Variants in ZFR2 observed in about 807,000 individuals in gnomAD.
ZFR2 encodes the protein zinc finger RNA-binding protein 2.
Under a neutral mutation model 105.7 loss-of-function variants are expected in ZFR2, and 104 were observed. The ratio of observed to expected loss-of-function variants is 0.98; its 90% CI spans 0.84 to 1.16. The LOEUF (loss-of-function observed/expected upper bound fraction) is 1.16, where lower values mean the gene tolerates loss of function less well. Ranked by LOEUF, ZFR2 falls within the 50% of genes most tolerant of loss-of-function variation. ZFR2 has a pLI of 0.00. For synonymous variants in ZFR2, 634 were observed against 597.7 expected, an observed-to-expected ratio of 1.06 and a Z score of -0.89; for missense variants, 1,425 against 1,355.5, an observed-to-expected ratio of 1.05 and a Z score of -0.80.
At chr19:3,844,706 A>T (rs1568429174) in intron 1 of ZFR2, among the ~76,000 whole-genome samples, 1 of 152,202 alleles carries the variant, frequency 6.6e-6, no homozygotes, top group African/African-American at 2.4e-5. Context: ...TAATGAAGAC[A>T]TATTTAATTT....
At chr19:3,861,634 A>C (rs1197207754) in intron 1 of ZFR2, among the ~76,000 whole-genome samples, 1 of 148,306 alleles carries the variant, frequency 6.7e-6, no homozygotes, top group Non-Finnish European at 1.5e-5. Context: ...TCAAAAAATA[A>C]TTGAAATAGG....
intron 1 of ZFR2, among the ~76,000 whole-genome samples, chr19:3,842,160 G>A (rs1470846888): frequency 6.6e-6 from 1 of 151,858 alleles, no homozygotes; most frequent in Non-Finnish European, 1.5e-5. Flanking sequence ...CTACAGGCGT[G>A]CACCACCATG....
chr19:3,848,919 C>T (rs10415106), intron 1 of ZFR2, among the ~76,000 whole-genome samples: 4 of 151,686 alleles, frequency 2.6e-5, no homozygotes, highest in Non-Finnish European at 5.9e-5. Context: ...GCATGAACCC[C>T]GGAGGCGGAG....
At position 3,833,693 on chromosome 19, in the gene ZFR2, C is replaced by T. The variant is rs113017452; in HGVS notation, c.350G>A (p.Arg117His). Residue 117 changes from arginine to histidine, a missense_variant, in exon 3 of 19, where the codon CGC (arginine) becomes CAC (histidine). Transcript: ENST00000262961. ...CTGGCCGGAGTCTGCGGCTGTCATGCGCCCAGACTGGAGGGCAGCAGACTG... is the reference window on the plus strand; with the variant it reads ...CTGGCCGGAGTCTGCGGCTGTCATGTGCCCAGACTGGAGGGCAGCAGACTG... ...YFQSAALQSG[R>H]MTAADSGQPG... is the part of the protein sequence containing the mutation. 87 of 1,571,372 alleles carry T rather than the reference C, an allele frequency of 5.5e-5. 2 individuals carry two copies. In the African/African-American group the frequency reaches 7.3e-4, roughly 13 times the overall value.
At chr19:3,836,354 T>C (rs1339704646) in intron 1 of ZFR2, among the ~76,000 whole-genome samples, 1 of 152,180 alleles carries the variant, frequency 6.6e-6, no homozygotes, top group Non-Finnish European at 1.5e-5. Context: ...AGAAAGGGTC[T>C]CGCTCTGTCA....
At chr19:3,854,464 G>A (rs539164899) in intron 1 of ZFR2, among the ~76,000 whole-genome samples, 10 of 152,278 alleles carry the variant, frequency 6.6e-5, no homozygotes, top group Non-Finnish European at 1.5e-4. Context: ...CATCTGCAGA[G>A]TCTGATTCAG....
chr19:3,812,877 G>C (rs2037781559), intron 14 of ZFR2, among the ~76,000 whole-genome samples: 1 of 152,100 alleles, frequency 6.6e-6, no homozygotes, highest in Admixed American at 6.5e-5. Flanking sequence ...TCAGGAGTTC[G>C]AGACCAACCT....
In ZFR2 at chr19:3,834,149, G is replaced by A. The variant is rs2038051002; in HGVS notation, c.265-371C>T. On this transcript the variant is annotated intron_variant, in intron 2 of 18. Coordinates refer to ENST00000262961, the MANE Select transcript of ZFR2 (RefSeq NM_015174.2). The surrounding 1 kb of genome is among the most constrained non-coding windows in gnomAD (Gnocchi z 5.3). ...GGGGTCAGGTGGGTGCTGAGCTTGA[G>A]TGACAGGGTGGCCTCTGATGCCGTT... Among the ~76,000 whole-genome samples, 1 of 152,194 alleles carries A rather than the reference G, an allele frequency of 6.6e-6. No individual in the cohort carries two copies. Among genetic ancestry groups the A allele is most frequent in the South Asian group, 2.1e-4 (1 of 4,834 alleles).
Position 3,805,787 on chromosome 19 carries a change from G to A in ZFR2, c.*162C>T. 3.6e-6 allele frequency: 3 copies of A among 844,486 alleles called. No homozygotes were observed. The highest frequency in any genetic ancestry group is 5.1e-6 in the Non-Finnish European group (3 of 590,870). The allele number at this position is 844,486 out of a possible 1,614,324, so 52.3% of individuals were successfully genotyped here. A position where few individuals can be genotyped will look rare whatever the true frequency, so the allele number is the denominator to read the frequency against. ...GCTGGGATTAAAGGCATGAGCCACA[G>A]TGCCCGGTCTGAAGCACAGGTGTTT... On this transcript the variant is annotated 3_prime_UTR_variant, in exon 19 of 19. Transcript: ENST00000262961.
intron 9 of ZFR2, 37 bp downstream of exon 9, chr19:3,822,044 C>A (rs1196640708): frequency 6.4e-7 from 1 of 1,561,846 alleles, no homozygotes; most frequent in Non-Finnish European, 8.7e-7. Context: ...CCTAGCACAG[C>A]CCGGACGGGT....
In ZFR2 at chr19:3,869,028, TC is replaced by T; in HGVS notation, c.-12del. 1 of 1,349,242 alleles carries T rather than the reference TC, an allele frequency of 7.4e-7. No homozygotes were observed. Among genetic ancestry groups the T allele is most frequent in the Non-Finnish European group, 9.6e-7 (1 of 1,040,856 alleles). 83.6% of individuals were successfully genotyped at this position (1,349,242 alleles called of 1,614,324 possible). On this transcript the variant is annotated 5_prime_UTR_variant, in exon 1 of 19. Coordinates refer to ENST00000262961, the MANE Select transcript of ZFR2 (RefSeq NM_015174.2). Reference sequence around the variant, plus strand: ...CTGACTCGTCGCCATCTTGGCGTCTTCCCCGAGCCTGGCGGACCCGCGACGT... The same window carrying T: ...CTGACTCGTCGCCATCTTGGCGTCTTCCCGAGCCTGGCGGACCCGCGACGT...
chr19:3,805,691 G>A lies in ZFR2; in HGVS notation c.*258C>T, dbSNP rs1379404598. On this transcript the variant is annotated 3_prime_UTR_variant, in exon 19 of 19. Transcript: ENST00000262961. ...CTGATTTTTAAAAATATTTTGGAGA[G>A]ATGGGGGTCTCACTCTGTTGTCTGG... 9.6e-6 allele frequency: 4 copies of A among 415,276 alleles called. No individual in the cohort carries two copies. The highest frequency in any genetic ancestry group is 1.7e-5 in the Non-Finnish European group (4 of 236,150). The allele number at this position is 415,276 out of a possible 1,614,324, so 25.7% of individuals were successfully genotyped here.
intron 14 of ZFR2, among the ~76,000 whole-genome samples, chr19:3,812,623 C>G (rs2037777847): frequency 6.6e-6 from 1 of 152,118 alleles, no homozygotes; most frequent in South Asian, 2.1e-4. Flanking sequence ...ACTCCCCAGC[C>G]TCCTCCGCAT....
intron 7 of ZFR2, among the ~76,000 whole-genome samples, chr19:3,824,274 C>T (rs2012834): frequency 0.15 from 22,974 of 151,884 alleles, 2,100 homozygotes; most frequent in East Asian, 0.29. Context: ...CACTCCAGCC[C>T]GGGTGACACA....
At chr19:3,809,018 G>A (rs1447531100) in intron 16 of ZFR2, 35 bp from the exon 17 acceptor site, 3 of 1,493,190 alleles carry the variant, frequency 2.0e-6, no homozygotes, top group Non-Finnish European at 2.7e-6. Context: ...CTGTGTTTTG[G>A]GCGCGCGGCA....
Position 3,834,670 on chromosome 19 carries a change from A to T in ZFR2, c.264+103T>A. Reference sequence around the variant, plus strand: ...GGGTCCCGAAGGAAGGATCACGGTTAAGAGGCCTGGGAGAAGGAGTAGCTG... The same window carrying T: ...GGGTCCCGAAGGAAGGATCACGGTTTAGAGGCCTGGGAGAAGGAGTAGCTG... On this transcript the variant is annotated intron_variant, in intron 2 of 18. Coordinates refer to ENST00000262961, the MANE Select transcript of ZFR2 (RefSeq NM_015174.2). The surrounding 1 kb of genome is among the most constrained non-coding windows in gnomAD (Gnocchi z 5.3). The T allele has an allele frequency of 8.1e-7, 1 of 1,240,406 alleles. No homozygotes were observed. Among genetic ancestry groups the T allele is most frequent in the Non-Finnish European group, 1.1e-6 (1 of 874,760 alleles). The allele number at this position is 1,240,406 out of a possible 1,614,324, so 76.8% of individuals were successfully genotyped here.
chr19:3,863,038 G>A (rs1043141663), intron 1 of ZFR2, among the ~76,000 whole-genome samples: 5 of 152,316 alleles, frequency 3.3e-5, no homozygotes, highest in Admixed American at 1.3e-4. Context: ...CCAAGGTGGC[G>A]ACATCGGACT....
intron 3 of ZFR2, among the ~76,000 whole-genome samples, chr19:3,832,633 T>TA (rs200875785): frequency 3.4e-5 from 5 of 148,090 alleles, no homozygotes; most frequent in Admixed American, 6.7e-5. Flanking sequence ...ATTTTGTTTT[T>TA]TTTTTTTATT....
chr19:3,831,442 G>C lies in ZFR2; in HGVS notation c.713C>G (p.Ala238Gly), dbSNP rs746609007. ...GPPQQLPPPP[A>G]PAGSGSSPRA... ...GGGGCTGCTTCCTGAGCCTGCAGGC[G>C]CGGGCGGCGGGGGCAGCTGCTGCGG... Residue 238 changes from alanine to glycine, a missense_variant, in exon 5 of 19, where the codon GCG becomes GGG. Coordinates refer to ENST00000262961, the MANE Select transcript of ZFR2 (RefSeq NM_015174.2). 1 of 1,551,084 alleles carries C rather than the reference G, an allele frequency of 6.4e-7. No homozygotes were observed.
Sources: allele counts gnomAD v4.1 joint callset (sites outside exome capture counted in the v4.1 genomes callset), GRCh38; gene constraint gnomAD v4.1.1; non-coding constraint Gnocchi (gnomAD v3.1); transcripts MANE v1.5; gene names NCBI Gene and HGNC (gene_info 2026-07-23, HGNC 2026-07-21).